The following TVP23A variants were observed in gnomAD, a reference collection of about 807,000 sequenced individuals.
TVP23A encodes trans-golgi network vesicle protein 23 homolog A.
Under a neutral mutation model 31.7 loss-of-function variants are expected in TVP23A, and 21 were observed. The ratio of observed to expected loss-of-function variants is 0.66; its 90% confidence interval spans 0.47 to 0.95. The LOEUF (loss-of-function observed/expected upper bound fraction) is 0.95, where lower values mean the gene tolerates loss of function less well. Among genes scored for constraint, TVP23A ranks in the 40% least tolerant of loss-of-function variants. TVP23A has a pLI of 0.00. For synonymous variants in TVP23A, 104 were observed against 96.0 expected, an observed-to-expected ratio of 1.08 and a Z score of -0.49; for missense variants, 279 against 255.6, an observed-to-expected ratio of 1.09 and a Z score of -0.62.
chr16:10,775,566 G>C, intron 2 of TVP23A: 1 of 1,006,352 alleles, frequency 9.9e-7, no homozygotes, highest in Non-Finnish European at 1.2e-6. Flanking sequence ...AGGGAAACAT[G>C]TGACCTGTGA....
At chr16:10,759,874 A>G (rs1284768824), downstream of TVP23A, among the ~76,000 whole-genome samples, 1 of 152,248 alleles carries the variant, frequency 6.6e-6, no homozygotes, top group Non-Finnish European at 1.5e-5. This position sits in a 1 kb window ranked among gnomAD's most constrained non-coding sequence, Gnocchi z 4.7. Flanking sequence ...TCAAGAGCCA[A>G]ACAGGCATCT....
chr16:10,761,806 G>A (rs1390412716), downstream of TVP23A: 1 of 1,614,002 alleles, frequency 6.2e-7, no homozygotes, highest in Admixed American at 1.7e-5. Flanking sequence ...GAGCTCATGT[G>A]CCAGGACTTG....
exon 9 of TVP23A, chr16:10,761,237 A>T: frequency 1.3e-6 from 1 of 781,160 alleles, no homozygotes; most frequent in Non-Finnish European, 2.1e-6. Context: ...GCCAAACCCT[A>T]TCAGGGCAGA....
chr16:10,809,938 T>A (rs2034118138), intron 2 of TVP23A, among the ~76,000 whole-genome samples: 1 of 152,142 alleles, frequency 6.6e-6, no homozygotes, highest in Admixed American at 6.5e-5. Context: ...ACATAAACAT[T>A]CATAGCAACA....
chr16:10,817,568 G>C (rs2034498498), intron 2 of TVP23A, among the ~76,000 whole-genome samples: 1 of 152,232 alleles, frequency 6.6e-6, no homozygotes, highest in African/African-American at 2.4e-5. Context: ...GCTAGACTCA[G>C]CAGGGATTAG....
intron 2 of TVP23A, among the ~76,000 whole-genome samples, chr16:10,816,326 T>G (rs1221996874): frequency 7.1e-6 from 1 of 140,568 alleles, no homozygotes; most frequent in Non-Finnish European, 1.5e-5. Context: ...GTAATTTAAT[T>G]ATTTAATTAA....
intron 2 of TVP23A, among the ~76,000 whole-genome samples, chr16:10,787,548 TG>T (rs1048787751): frequency 2.6e-5 from 4 of 151,984 alleles, no homozygotes; most frequent in Non-Finnish European, 4.4e-5. Context: ...AGATTAGGGT[TG>T]GGGGGGCAGC....
chr16:10,803,245 C>CTG (rs3040297), intron 2 of TVP23A, among the ~76,000 whole-genome samples: 25,531 of 135,264 alleles, frequency 0.19, 2,317 homozygotes, highest in South Asian at 0.25. Context: ...GATCGCGCCA[C>CTG]TGTGTGTGTG....
Position 10,818,538 on chromosome 16 carries a change from C to G in TVP23A, c.-45G>C, listed in dbSNP as rs201666033. ...CTGGCGCCCAGGCCCGGGGCTCCAG[C>G]TCCGCCCGTCGCCGCTGAAGGGGTC... is the stretch of plus-strand genomic sequence containing the variant. On this transcript the variant is annotated 5_prime_UTR_variant, in exon 1 of 8. Coordinates refer to ENST00000299866, the MANE Select transcript of TVP23A (RefSeq NM_001079512.4). This position sits in a 1 kb window ranked among gnomAD's most constrained non-coding sequence, Gnocchi z 4.7. 4.4e-6 allele frequency: 7 copies of G among 1,591,526 alleles called. No individual in the cohort carries two copies. The African/African-American group carries it at 8.1e-5, about 18-fold the overall frequency.
chr16:10,816,444 C>T (rs2034443372), intron 2 of TVP23A, among the ~76,000 whole-genome samples: 1 of 152,000 alleles, frequency 6.6e-6, no homozygotes, highest in Non-Finnish European at 1.5e-5. Context: ...AGTGATTCTC[C>T]TTCCCCAGCC....
Position 10,766,740 on chromosome 16 carries a change from G to A in TVP23A, c.*2362C>T, listed in dbSNP as rs895677365. 1.3e-5 allele frequency: 5 copies of A among 394,250 alleles called. No homozygotes were observed. Among genetic ancestry groups the A allele is most frequent in the Admixed American group, 4.4e-5 (1 of 22,574 alleles). The allele number at this position is 394,250 out of a possible 1,614,324, so 24.4% of individuals were successfully genotyped here. On this transcript the variant is annotated 3_prime_UTR_variant, in exon 8 of 8. Coordinates refer to ENST00000299866, the MANE Select transcript of TVP23A (RefSeq NM_001079512.4). The surrounding 1 kb of genome is among the most constrained non-coding windows in gnomAD (Gnocchi z 4.8). ...ACTCCACGGTGTGGGAGGAGAACGGGCCTGAGAATAGGGGCTCAAAGGCCC... is the reference window on the plus strand; with the variant it reads ...ACTCCACGGTGTGGGAGGAGAACGGACCTGAGAATAGGGGCTCAAAGGCCC...
At chr16:10,803,979 AATCT>A (rs2033828659) in intron 2 of TVP23A, among the ~76,000 whole-genome samples, 1 of 152,222 alleles carries the variant, frequency 6.6e-6, no homozygotes, top group Non-Finnish European at 1.5e-5. Context: ...TGATATATGA[AATCT>A]ATCTCAATTA....
chr16:10,770,222 T>C (rs750613044), intron 7 of TVP23A, 50 bp downstream of exon 7: 29 of 1,546,816 alleles, frequency 1.9e-5, no homozygotes, highest in African/African-American at 1.2e-4. Context: ...GAGCTGCATT[T>C]TTCAGAATTC....
chr16:10,796,486 G>A (rs748468890), intron 2 of TVP23A, among the ~76,000 whole-genome samples: 2 of 152,162 alleles, frequency 1.3e-5, no homozygotes, highest in Admixed American at 6.5e-5. Flanking sequence ...AGGCTGGAGT[G>A]CAGTGGCACG....
rs370159131 is a variant in TVP23A at position 10,785,715 on chromosome 16, G to T, written c.90-10619C>A. On this transcript the variant is annotated intron_variant, in intron 2 of 7. Coordinates refer to ENST00000299866, the MANE Select transcript of TVP23A (RefSeq NM_001079512.4). ...AATCAACTTATGTAAGATGAACATTGGTTGGGTCTGGAAAGGCGGAACACC... is the reference window on the plus strand; with the variant it reads ...AATCAACTTATGTAAGATGAACATTTGTTGGGTCTGGAAAGGCGGAACACC... 1.2e-4 allele frequency among the ~76,000 whole-genome samples: 18 copies of T among 152,322 alleles called. No homozygotes were observed. In the East Asian group the frequency reaches 2.5e-3, roughly 21 times the overall value.
chr16:10,783,082 G>C lies in TVP23A; in HGVS notation c.90-7986C>G, dbSNP rs2032519919. Reference sequence around the variant, plus strand: ...TGTGTTCTTTCTTGGAGTGGGTGAGGGGGTAGTGATTGGGAAGGGATATGA... The same window carrying C: ...TGTGTTCTTTCTTGGAGTGGGTGAGCGGGTAGTGATTGGGAAGGGATATGA... On this transcript the variant is annotated intron_variant, in intron 2 of 7. Coordinates refer to ENST00000299866, the MANE Select transcript of TVP23A (RefSeq NM_001079512.4). Among the ~76,000 whole-genome samples the C allele has an allele frequency of 4.0e-5, 6 of 150,766 alleles. No individual in the cohort carries two copies. The South Asian group carries it at 1.2e-3, about 31-fold the overall frequency.
At chr16:10,792,154 T>C (rs1007635636) in intron 2 of TVP23A, among the ~76,000 whole-genome samples, 17 of 152,230 alleles carry the variant, frequency 1.1e-4, no homozygotes, top group African/African-American at 3.9e-4. Context: ...CCCTTCTCTC[T>C]CACTAGGAAG....
intron 2 of TVP23A, among the ~76,000 whole-genome samples, chr16:10,816,618 G>A (rs1369100468): frequency 6.6e-6 from 1 of 152,124 alleles, no homozygotes; most frequent in Non-Finnish European, 1.5e-5. Flanking sequence ...ACTTACAGGT[G>A]TGAGCCATGC....
chr16:10,797,721 A>T (rs1005656918), intron 2 of TVP23A, among the ~76,000 whole-genome samples: 3 of 148,868 alleles, frequency 2.0e-5, no homozygotes, highest in Admixed American at 6.7e-5. Flanking sequence ...TACTGTCTCT[A>T]AAAAAAAAAT....
Sources: allele counts gnomAD v4.1 joint callset (sites outside exome capture counted in the v4.1 genomes callset), GRCh38; gene constraint gnomAD v4.1.1; non-coding constraint Gnocchi (gnomAD v3.1); transcripts MANE v1.5; gene names NCBI Gene and HGNC (gene_info 2026-07-23, HGNC 2026-07-21).